The following ERN1 variants were observed in gnomAD, a reference collection of about 807,000 sequenced individuals.
ERN1 encodes the protein endoplasmic reticulum to nucleus signaling 1, also known as serine/threonine-protein kinase/endoribonuclease IRE1.
A neutral mutation model predicts 113.1 loss-of-function variants in ERN1; 39 were observed. The observed-to-expected ratio is 0.34, with a 90% confidence interval of 0.27 to 0.45. ERN1 has a LOEUF of 0.45. Ranked by LOEUF, ERN1 falls within the 20% of genes least tolerant of loss-of-function variation. The pLI is 1.00. For missense variants in ERN1, 976 were observed against 1,274.8 expected (o/e 0.77, Z 3.57); for synonymous variants, 507 against 515.9 (o/e 0.98, Z 0.23).
At chr17:64,103,084 T>G (rs1914429848) in intron 1 of ERN1, 2 of 372,810 alleles carry the variant, frequency 5.4e-6, no homozygotes, top group African/African-American at 2.2e-5. Context: ...CTCAGTGGGC[T>G]TCAGCAGTAT....
At chr17:64,086,772 G>A (rs1391935348) in intron 2 of ERN1, among the ~76,000 whole-genome samples, 3 of 145,454 alleles carry the variant, frequency 2.1e-5, no homozygotes, top group Non-Finnish European at 3.0e-5. Context: ...TCAGCCTACC[G>A]AGTAGCTGGG....
intron 1 of ERN1, among the ~76,000 whole-genome samples, chr17:64,121,081 C>G (rs551286154): frequency 6.6e-6 from 1 of 152,278 alleles, no homozygotes; most frequent in South Asian, 2.1e-4. Context: ...CACCTTCCTT[C>G]CCCCCTTGCT....
At chr17:64,128,624 T>C (rs1418936263) in intron 1 of ERN1, 1 of 152,226 alleles carries the variant, frequency 6.6e-6, no homozygotes, top group Admixed American at 6.5e-5. Context: ...ATTCTGCTTA[T>C]ACCTTCGTTT....
At chr17:64,113,381 A>G (rs1202670431) in intron 1 of ERN1, among the ~76,000 whole-genome samples, 1 of 152,216 alleles carries the variant, frequency 6.6e-6, no homozygotes, top group Non-Finnish European at 1.5e-5. Context: ...AGACCATTAC[A>G]AATTATGAAT....
chr17:64,072,230 G>C (rs1429406598), intron 5 of ERN1, 127 bp from the exon 6 acceptor site: 1 of 981,122 alleles, frequency 1.0e-6, no homozygotes, highest in Non-Finnish European at 1.5e-6. Flanking sequence ...CATTTCTAAG[G>C]TGATGATATA....
intron 5 of ERN1, among the ~76,000 whole-genome samples, chr17:64,074,624 G>C (rs1391598289): frequency 6.6e-6 from 1 of 152,214 alleles, no homozygotes; most frequent in Non-Finnish European, 1.5e-5. Flanking sequence ...ATGATTTCAA[G>C]ATAAATACAG....
intron 6 of ERN1, among the ~76,000 whole-genome samples, chr17:64,069,512 T>C (rs1238899327): frequency 1.3e-5 from 2 of 152,148 alleles, no homozygotes; most frequent in Admixed American, 1.3e-4. Flanking sequence ...AGCACTATAT[T>C]AGGGAACCAA....
At chr17:64,072,196 A>G in intron 5 of ERN1, 93 bp from the exon 6 acceptor site, 1 of 1,357,638 alleles carries the variant, frequency 7.4e-7, no homozygotes. Flanking sequence ...ATTGAGAGAG[A>G]TAGACCTGAA....
At position 64,041,183 on chromosome 17, in the gene ERN1, TAA is replaced by T. The variant is rs1912326557; in HGVS notation, c.*2803_*2804del. ...AAAACAAACGAAAAAACACTGAAAT[TAA>T]AAAGACTCAAGAAGCAACAAGAGAA... On this transcript the variant is annotated 3_prime_UTR_variant, in exon 22 of 22. Transcript: ENST00000433197. 6.6e-6 allele frequency: 1 copy of T among 151,936 alleles called. No individual in the cohort carries two copies. The highest frequency in any genetic ancestry group is 6.6e-5 in the Admixed American group (1 of 15,242). The allele number at this position is 151,936 out of a possible 1,614,324, so 9.4% of individuals were successfully genotyped here. A position where few individuals can be genotyped will look rare whatever the true frequency, so the allele number is the denominator to read the frequency against.
At chr17:64,078,350 C>CT (rs1299702661) in intron 4 of ERN1, among the ~76,000 whole-genome samples, 1 of 152,024 alleles carries the variant, frequency 6.6e-6, no homozygotes, top group East Asian at 1.9e-4. Context: ...ATTGGGCTGT[C>CT]TTTTTTTAAC....
At chr17:64,077,140 T>C (rs1256065652) in intron 4 of ERN1, among the ~76,000 whole-genome samples, 1 of 152,222 alleles carries the variant, frequency 6.6e-6, no homozygotes, top group African/African-American at 2.4e-5. Context: ...CACACAGCTC[T>C]ATACAAACTT....
Position 64,065,222 on chromosome 17 carries a change from C to T in ERN1, c.908G>A (p.Gly303Glu). The T allele has an allele frequency of 6.2e-7, 1 of 1,607,964 alleles. No individual in the cohort carries two copies. Among genetic ancestry groups the T allele is most frequent in the Admixed American group, 1.7e-5 (1 of 59,222 alleles). The change falls in exon 9 of 22, where the codon GGG becomes GAG. Residue 303 changes from glycine to glutamate, a missense_variant. By Grantham distance (98) the Gly-to-Glu change is moderately conservative (BLOSUM62 -2). This residue lies in a region of ERN1 where 459 missense variants were observed against 581.2 expected (regional missense o/e 0.79). Coordinates refer to ENST00000433197, the MANE Select transcript of ERN1 (RefSeq NM_001433.5). ...TAGTGGACTTACCACGACAGCAACCCCCTCGTGTACCATTGAGGGAGAGGC... is the reference window on the plus strand; with the variant it reads ...TAGTGGACTTACCACGACAGCAACCTCCTCGTGTACCATTGAGGGAGAGGC... The part of the protein sequence containing the change: ...LYASPSMVHE[G>E]VAVVPRGSTL...
chr17:64,046,540 T>A (rs1364729837), intron 19 of ERN1, among the ~76,000 whole-genome samples: 1 of 152,238 alleles, frequency 6.6e-6, no homozygotes, highest in African/African-American at 2.4e-5. Flanking sequence ...ATGGACACAG[T>A]GACCAATCCA....
At chr17:64,112,518 C>T (rs763709213) in intron 1 of ERN1, among the ~76,000 whole-genome samples, 4 of 152,138 alleles carry the variant, frequency 2.6e-5, no homozygotes, top group Non-Finnish European at 4.4e-5. Context: ...TCAATAGATA[C>T]TTGTTAAGTT....
At chr17:64,106,725 C>CACACACACACAT (rs1914538629) in intron 1 of ERN1, among the ~76,000 whole-genome samples, 1 of 139,110 alleles carries the variant, frequency 7.2e-6, no homozygotes, top group South Asian at 2.2e-4. Flanking sequence ...TACACACACA[C>CACACACACACAT]ACACACACAC....
Position 64,061,208 on chromosome 17 carries a change from T to C in ERN1, c.1088-621A>G, listed in dbSNP as rs77022234. 2.1e-3 allele frequency among the ~76,000 whole-genome samples: 313 copies of C among 152,342 alleles called. 1 individual carries two copies. The highest frequency in any genetic ancestry group is 3.3e-3 in the Non-Finnish European group (226 of 68,024). On this transcript the variant is annotated intron_variant, in intron 10 of 21. Transcript: ENST00000433197. ...TCATTACACATTTATTGAGCATCTA[T>C]TGTGTGCAAATTGCTGTAAGAGATA...
intron 11 of ERN1, among the ~76,000 whole-genome samples, chr17:64,060,170 C>A (rs756472388): frequency 6.6e-6 from 1 of 152,136 alleles, no homozygotes; most frequent in Non-Finnish European, 1.5e-5. Flanking sequence ...CAGGCTTTTG[C>A]CCTTGCTGTT....
rs1040065024 is a variant in ERN1, at chr17:64,042,588, G to A, written c.*1400C>T. 1 of 152,082 alleles carries A rather than the reference G, an allele frequency of 6.6e-6. No individual in the cohort carries two copies. Among genetic ancestry groups the A allele is most frequent in the African/African-American group, 2.4e-5 (1 of 41,378 alleles). 9.4% of individuals were successfully genotyped at this position (152,082 alleles called of 1,614,324 possible). On this transcript the variant is annotated 3_prime_UTR_variant, in exon 22 of 22. Coordinates refer to ENST00000433197, the MANE Select transcript of ERN1 (RefSeq NM_001433.5). ...GTACATGGACAACATCTCCTTACAC[G>A]GTAGGCTGATTGCATTTTAACCTCT...
intron 20 of ERN1, among the ~76,000 whole-genome samples, chr17:64,045,144 A>G (rs115320651): frequency 0.01 from 1,571 of 152,140 alleles, 36 homozygotes; most frequent in African/African-American, 0.036. Context: ...GACCACCTAG[A>G]GCACGACACC....
Sources: allele counts gnomAD v4.1 joint callset (sites outside exome capture counted in the v4.1 genomes callset), GRCh38; gene constraint gnomAD v4.1.1; regional missense constraint gnomAD v4.1.1; transcripts MANE v1.5; gene names NCBI Gene and HGNC (gene_info 2026-07-23, HGNC 2026-07-21).